The following ANK3 variants were observed in gnomAD, a reference collection of about 807,000 sequenced individuals.
ANK3 encodes ankyrin 3.
A neutral mutation model predicts 370.9 loss-of-function variants in ANK3; 57 were observed. That is an observed-to-expected ratio of 0.15 (90% CI 0.12 to 0.19). The LOEUF is 0.19. Ranked by LOEUF, ANK3 falls within the 10% of genes least tolerant of loss-of-function variation. The probability of loss-of-function intolerance (pLI) is 1.00; values close to 1 mark genes in which losing one functional copy is unlikely to be tolerated. For synonymous variants in ANK3, 1,929 were observed against 1,946.3 expected, an observed-to-expected ratio of 0.99 and a Z score of 0.23; for missense variants, 4,439 against 5,302.1, an observed-to-expected ratio of 0.84 and a Z score of 5.06.
At chr10:60,333,580 T>C (rs572392154) in intron 1 of ANK3, among the ~76,000 whole-genome samples, 6 of 152,334 alleles carry the variant, frequency 3.9e-5, no homozygotes, top group African/African-American at 1.2e-4. Context: ...TCCAAGTCTT[T>C]GTTATTGTGA....
chr10:60,338,098 ATCTCTGATT>A (rs1342775732), intron 1 of ANK3, among the ~76,000 whole-genome samples: 1 of 152,150 alleles, frequency 6.6e-6, no homozygotes, highest in Non-Finnish European at 1.5e-5. Context: ...TACTCTCTCC[ATCTCTGATT>A]TCTTCCCGAG....
intron 43 of ANK3, among the ~76,000 whole-genome samples, chr10:60,041,354 T>C (rs2393577): frequency 0.18 from 27,992 of 152,218 alleles, 3,205 homozygotes; most frequent in Admixed American, 0.24. Context: ...TCAAACATCA[T>C]ATTCTCAAGG....
At chr10:60,471,961 A>G (rs912648670) in intron 2 of ANK3, among the ~76,000 whole-genome samples, 2 of 152,074 alleles carry the variant, frequency 1.3e-5, no homozygotes, top group South Asian at 4.1e-4. Flanking sequence ...AATAATATTA[A>G]TATTTGATAA....
Position 60,567,725 on chromosome 10 carries a change from C to T in ANK3, c.96+47461G>A, listed in dbSNP as rs562132480. ...AATTGAATATCTTTTGGAAAGGATTCACTATTCTAGATCCCATTAAGCACA... is the reference window on the plus strand; with the variant it reads ...AATTGAATATCTTTTGGAAAGGATTTACTATTCTAGATCCCATTAAGCACA... On this transcript the variant is annotated intron_variant, in intron 2 of 43. Transcript: ENST00000373827. Among the ~76,000 whole-genome samples, 5 of 152,290 alleles carry T rather than the reference C, an allele frequency of 3.3e-5. No individual in the cohort carries two copies. In the South Asian group the frequency reaches 1.0e-3, roughly 32 times the overall value.
intron 1 of ANK3, among the ~76,000 whole-genome samples, chr10:60,718,279 C>T (rs548536434): frequency 6.6e-6 from 1 of 152,092 alleles, no homozygotes; most frequent in East Asian, 1.9e-4. Flanking sequence ...TGGTATTTAC[C>T]TGAACATGAC....
intron 1 of ANK3, among the ~76,000 whole-genome samples, chr10:60,713,407 T>C (rs1331270422): frequency 6.6e-6 from 1 of 152,010 alleles, no homozygotes; most frequent in Non-Finnish European, 1.5e-5. Flanking sequence ...TATTTTGAAC[T>C]AAATGAAAAT....
chr10:60,191,281 C>T (rs1018699497), intron 16 of ANK3, among the ~76,000 whole-genome samples: 4 of 151,984 alleles, frequency 2.6e-5, no homozygotes, highest in African/African-American at 9.7e-5. Flanking sequence ...AAGAGATAAT[C>T]AACAGAGTGA....
chr10:60,530,151 C>T (rs2076571074), intron 2 of ANK3, among the ~76,000 whole-genome samples: 2 of 152,150 alleles, frequency 1.3e-5, no homozygotes, highest in African/African-American at 4.8e-5. Context: ...GCAGTGGTTT[C>T]TGTTGGGTAG....
rs113048714 is a variant in ANK3 at position 60,238,797 on chromosome 10, T to C, written c.799-4011A>G. Among the ~76,000 whole-genome samples, 946 of 152,062 alleles carry C rather than the reference T, an allele frequency of 6.2e-3. 9 individuals are homozygous for C. Among genetic ancestry groups the C allele is most frequent in the African/African-American group, 0.022 (905 of 41,482 alleles). Reference sequence around the variant, plus strand: ...CCAAAACAGGCTCCACCTCTCACATTTGCAGCACAGAAGAAAAAGTATGAG... The same window carrying C: ...CCAAAACAGGCTCCACCTCTCACATCTGCAGCACAGAAGAAAAAGTATGAG... On this transcript the variant is annotated intron_variant, in intron 7 of 43. Transcript: ENST00000280772.
At chr10:60,625,309 G>A (rs2078394026) in intron 1 of ANK3, among the ~76,000 whole-genome samples, 2 of 152,270 alleles carry the variant, frequency 1.3e-5, no homozygotes, top group Non-Finnish European at 1.5e-5. Flanking sequence ...AGATGATAAT[G>A]CATTGTTGTT....
intron 2 of ANK3, among the ~76,000 whole-genome samples, chr10:60,404,454 A>C (rs989283211): frequency 1.3e-5 from 2 of 152,210 alleles, no homozygotes; most frequent in Non-Finnish European, 2.9e-5. Context: ...ATTTATTTTC[A>C]ACAAAGGCAC....
chr10:60,700,586 T>C (rs1037320220), intron 1 of ANK3, among the ~76,000 whole-genome samples: 1 of 152,176 alleles, frequency 6.6e-6, no homozygotes, highest in African/African-American at 2.4e-5. Context: ...ATCAAGTCTC[T>C]AATATTAAAA....
intron 1 of ANK3, among the ~76,000 whole-genome samples, chr10:60,662,311 TGATA>T (rs1393633494): frequency 1.3e-5 from 2 of 152,168 alleles, no homozygotes; most frequent in South Asian, 2.1e-4. Flanking sequence ...ACTTCATATC[TGATA>T]GATATTTTTG....
At chr10:60,559,046 C>T (rs146152401) in intron 2 of ANK3, among the ~76,000 whole-genome samples, 35 of 152,286 alleles carry the variant, frequency 2.3e-4, no homozygotes, top group Middle Eastern at 3.4e-3. Context: ...ATAAGTAGCA[C>T]AAAATCTATT....
Position 60,084,587 on chromosome 10 carries a change from T to G in ANK3, c.4074+15A>C. 1 of 1,606,696 alleles carries G rather than the reference T, an allele frequency of 6.2e-7. No homozygotes were observed. On this transcript the variant is annotated intron_variant, in intron 32 of 43. Coordinates refer to ENST00000280772, the MANE Select transcript of ANK3 (RefSeq NM_020987.5). ...AGTACGTAATGAAATGAACTTGTTT[T>G]TGTGAACAAGGTACCTCAATATCTT...
In ANK3 at chr10:60,382,104, A is replaced by G. The variant is rs536157698; in HGVS notation, c.114+7321T>C. 2.0e-5 allele frequency among the ~76,000 whole-genome samples: 3 copies of G among 152,272 alleles called. No homozygotes were observed. In the East Asian group the frequency reaches 5.8e-4, roughly 29 times the overall value. ...CATCTGATTGGTTCCAAGACAAGGT[A>G]TTTCTGATTTCAGGGGTACCTTCAT... is the stretch of plus-strand genomic sequence containing the variant. On this transcript the variant is annotated intron_variant, in intron 1 of 43. Transcript: ENST00000280772.
intron 1 of ANK3, among the ~76,000 whole-genome samples, chr10:60,324,573 C>T (rs758892768): frequency 5.9e-5 from 9 of 152,184 alleles, no homozygotes; most frequent in South Asian, 4.1e-4. Flanking sequence ...CATGCAATCC[C>T]TCTAGAACAT....
chr10:60,086,043 AAAG>A (rs1564902861), intron 30 of ANK3, among the ~76,000 whole-genome samples: 1 of 152,226 alleles, frequency 6.6e-6, no homozygotes, highest in African/African-American at 2.4e-5. Context: ...TCAGAGAACA[AAAG>A]AAGATCAAAA....
In ANK3 at chr10:60,208,196, T is replaced by C; in HGVS notation, c.1034A>G (p.Asp345Gly). Residue 345 changes from aspartate (D) to glycine (G), a missense_variant, in exon 10 of 44, where the codon GAT becomes GGT. By Grantham distance (94) the Asp-to-Gly change is moderately conservative. This residue lies in a region of ANK3 where 227 missense variants were observed against 377.6 expected (regional missense o/e 0.60). Transcript: ENST00000280772. ...LSPLHMATQGDHLNCVQLLLQ... is the reference protein window; with the variant it reads ...LSPLHMATQGGHLNCVQLLLQ... ...GAGAAGCTGGACGCAGTTTAAATGA[T>C]CCCCTTGTGTGGCCATGTGCAATGG... The C allele has an allele frequency of 6.2e-7, 1 of 1,614,128 alleles. No homozygotes were observed.
Sources: gnomAD v4.1 joint callset for allele counts (sites outside exome capture counted in the v4.1 genomes callset) on GRCh38, gnomAD v4.1.1 for gene constraint, gnomAD v4.1.1 regional missense constraint, MANE v1.5 for transcripts, NCBI Gene and HGNC (gene_info 2026-07-23, HGNC 2026-07-21) for gene names.